Variants in PRKN observed in about 807,000 individuals in gnomAD.
The protein encoded by PRKN is parkin RBR E3 ubiquitin protein ligase.
A neutral mutation model predicts 59.5 loss-of-function variants in PRKN; 56 were observed. The ratio of observed to expected loss-of-function variants is 0.94; its 90% CI spans 0.76 to 1.18. The LOEUF (loss-of-function observed/expected upper bound fraction) is 1.18. PRKN is among the 50% of genes most tolerant of loss of function. PRKN has a pLI of 0.00. For missense variants in PRKN, 657 were observed against 596.4 expected (o/e 1.10, Z -1.06); for synonymous variants, 250 against 222.1 (o/e 1.13, Z -1.12).
intron 4 of PRKN, among the ~76,000 whole-genome samples, chr6:162,160,521 A>G (rs1237931428): frequency 6.6e-6 from 1 of 152,158 alleles, no homozygotes; most frequent in Non-Finnish European, 1.5e-5. Flanking sequence ...AAAATATATA[A>G]AAGCATATAC....
intron 1 of PRKN, among the ~76,000 whole-genome samples, chr6:162,530,796 C>T (rs1778478396): frequency 6.6e-6 from 1 of 152,124 alleles, no homozygotes; most frequent in Non-Finnish European, 1.5e-5. Context: ...GTGGCTCACG[C>T]CCATAATCCT....
chr6:162,107,066 G>A (rs1463402051), intron 4 of PRKN, among the ~76,000 whole-genome samples: 6 of 152,288 alleles, frequency 3.9e-5, no homozygotes, highest in South Asian at 2.1e-4. Context: ...AGAGGTGAGC[G>A]TAGGGTTAGA....
At chr6:162,453,482 G>A (rs2128171820) in intron 1 of PRKN, among the ~76,000 whole-genome samples, 1 of 152,256 alleles carries the variant, frequency 6.6e-6, no homozygotes, top group African/African-American at 2.4e-5. Flanking sequence ...GTATACTGTG[G>A]CTAAGACCAT....
At chr6:162,432,877 C>T (rs1469689483) in intron 2 of PRKN, among the ~76,000 whole-genome samples, 1 of 152,022 alleles carries the variant, frequency 6.6e-6, no homozygotes, top group Admixed American at 6.6e-5. Context: ...AAAATTGCTC[C>T]CCCAAATAAA....
chr6:161,890,985 C>A (rs1215626630), intron 6 of PRKN, among the ~76,000 whole-genome samples: 1 of 152,158 alleles, frequency 6.6e-6, no homozygotes, highest in African/African-American at 2.4e-5. Flanking sequence ...CAGAGTTTCT[C>A]AATCCATTCT....
chr6:162,029,494 C>A (rs1460865446), intron 5 of PRKN, among the ~76,000 whole-genome samples: 1 of 152,134 alleles, frequency 6.6e-6, no homozygotes, highest in Non-Finnish European at 1.5e-5. Flanking sequence ...CGTACTTGTG[C>A]TGCTGAAATG....
chr6:162,059,855 C>G (rs1245965428), intron 4 of PRKN, among the ~76,000 whole-genome samples: 1 of 152,176 alleles, frequency 6.6e-6, no homozygotes, highest in Non-Finnish European at 1.5e-5. Flanking sequence ...CCACCTTATA[C>G]AGACTCTGTG....
chr6:162,133,724 G>A lies in PRKN; in HGVS notation c.534+67407C>T, dbSNP rs546910396. Among the ~76,000 whole-genome samples, 15 of 152,272 alleles carry A rather than the reference G, an allele frequency of 9.9e-5. No individual in the cohort carries two copies. The South Asian group carries it at 2.1e-3, about 21-fold the overall frequency. ...GTTGCTGGGAAGATGAGGAAGAGTC[G>A]TCAGGGCAGCCAAAGAGAAGTGGCC... is the stretch of plus-strand genomic sequence containing the variant. On this transcript the variant is annotated intron_variant, in intron 4 of 11. Coordinates refer to ENST00000366898, the MANE Select transcript of PRKN (RefSeq NM_004562.3).
At chr6:162,092,434 A>G (rs1779536160) in intron 4 of PRKN, among the ~76,000 whole-genome samples, 1 of 152,250 alleles carries the variant, frequency 6.6e-6, no homozygotes, top group African/African-American at 2.4e-5. Flanking sequence ...AGTAACATTT[A>G]TAGTCGGTGA....
rs953455237 is a variant in PRKN at position 161,552,498 on chromosome 6, C to T, written c.934-3495G>A. On this transcript the variant is annotated intron_variant, in intron 8 of 11. Transcript: ENST00000366898. This position sits in a 1 kb window ranked among gnomAD's most constrained non-coding sequence, Gnocchi z 4.9. Reference sequence around the variant, plus strand: ...AATGATCTCACGGTGATCCTCCAAGCCCCTCTCCCTCAGCTCTGCATCACC... The same window carrying T: ...AATGATCTCACGGTGATCCTCCAAGTCCCTCTCCCTCAGCTCTGCATCACC... 1.3e-5 allele frequency among the ~76,000 whole-genome samples: 2 copies of T among 151,740 alleles called. No individual in the cohort carries two copies. Among genetic ancestry groups the T allele is most frequent in the South Asian group, 2.1e-4 (1 of 4,784 alleles).
intron 1 of PRKN, among the ~76,000 whole-genome samples, chr6:162,719,475 G>A (rs188658800): frequency 6.6e-6 from 1 of 152,162 alleles, no homozygotes; most frequent in East Asian, 1.9e-4. Context: ...ATTCTCCAAG[G>A]AGCAAACCTA....
chr6:162,317,156 A>G (rs915467611), intron 2 of PRKN, among the ~76,000 whole-genome samples: 1 of 152,064 alleles, frequency 6.6e-6, no homozygotes, highest in Non-Finnish European at 1.5e-5. Context: ...TATTTCATAT[A>G]TAGGTAATGA....
chr6:161,380,518 A>T (rs975545732), intron 10 of PRKN, among the ~76,000 whole-genome samples: 1 of 142,956 alleles, frequency 7.0e-6, no homozygotes, highest in Non-Finnish European at 1.5e-5. Context: ...GCTTTAAGCG[A>T]TTTTCCTGCC....
chr6:162,653,346 C>T (rs1250128509), intron 1 of PRKN, among the ~76,000 whole-genome samples: 1 of 151,232 alleles, frequency 6.6e-6, no homozygotes, highest in African/African-American at 2.4e-5. Context: ...GTGTGCGTGT[C>T]TGTGTGTGTG....
At chr6:162,437,308 AGT>A (rs1789824413) in intron 2 of PRKN, among the ~76,000 whole-genome samples, 1 of 152,168 alleles carries the variant, frequency 6.6e-6, no homozygotes, top group African/African-American at 2.4e-5. Flanking sequence ...TTTCTAAGAA[AGT>A]GATAGTTTCA....
intron 2 of PRKN, among the ~76,000 whole-genome samples, chr6:162,341,429 A>G (rs1167143648): frequency 1.3e-5 from 2 of 152,178 alleles, no homozygotes; most frequent in African/African-American, 4.8e-5. Flanking sequence ...AGGATTATAA[A>G]TCATTCTACT....
intron 4 of PRKN, among the ~76,000 whole-genome samples, chr6:162,175,434 T>C (rs978647790): frequency 1.2e-4 from 19 of 152,182 alleles, no homozygotes; most frequent in African/African-American, 4.3e-4. Context: ...TGAATAGCTA[T>C]AGGATATAAG....
chr6:161,508,890 A>T (rs1219025118), intron 9 of PRKN, among the ~76,000 whole-genome samples: 1 of 150,882 alleles, frequency 6.6e-6, no homozygotes. Flanking sequence ...TGTTGCCGAG[A>T]CTGGAGTGCA....
At chr6:161,700,798 C>G (rs903493958) in intron 7 of PRKN, among the ~76,000 whole-genome samples, 1 of 152,148 alleles carries the variant, frequency 6.6e-6, no homozygotes, top group African/African-American at 2.4e-5. Context: ...TCTACTGTGT[C>G]ATTTTCTCAA....
Sources: gnomAD v4.1 joint callset for allele counts (sites outside exome capture counted in the v4.1 genomes callset) on GRCh38, gnomAD v4.1.1 for gene constraint, Gnocchi (gnomAD v3.1) non-coding constraint, MANE v1.5 for transcripts, NCBI Gene and HGNC (gene_info 2026-07-23, HGNC 2026-07-21) for gene names.